The following TTLL9 variants were observed in gnomAD, a reference collection of about 807,000 sequenced individuals.
The protein encoded by TTLL9 is tubulin tyrosine ligase like 9, also known as probable tubulin polyglutamylase TTLL9.
Under a neutral mutation model 65.6 loss-of-function variants are expected in TTLL9, and 47 were observed. The ratio of observed to expected loss-of-function variants is 0.72; its 90% CI spans 0.57 to 0.91. The LOEUF (loss-of-function observed/expected upper bound fraction) is 0.91, where lower values mean the gene tolerates loss of function less well. Among genes scored for constraint, TTLL9 ranks in the 40% least tolerant of loss-of-function variants. The pLI is 0.00. For missense variants in TTLL9, 537 were observed against 568.8 expected, an observed-to-expected ratio of 0.94 and a Z score of 0.57; for synonymous variants, 179 against 204.8, an observed-to-expected ratio of 0.87 and a Z score of 1.07.
At chr20:31,894,724 C>T (rs1387000364) in intron 3 of TTLL9, among the ~76,000 whole-genome samples, 1 of 104,538 alleles carries the variant, frequency 9.6e-6, no homozygotes, top group African/African-American at 4.9e-5. Flanking sequence ...TGTATATACA[C>T]ACACACACAC....
intron 3 of TTLL9, among the ~76,000 whole-genome samples, chr20:31,896,358 G>A (rs1225128453): frequency 6.6e-6 from 1 of 152,180 alleles, no homozygotes; most frequent in African/African-American, 2.4e-5. Flanking sequence ...TAATTATAAT[G>A]TTAGCTCGAG....
intron 4 of TTLL9, among the ~76,000 whole-genome samples, chr20:31,899,041 C>T (rs746406044): frequency 1.3e-5 from 2 of 152,188 alleles, no homozygotes; most frequent in African/African-American, 4.8e-5. Context: ...TGAGACAAAC[C>T]AGCATGTGAT....
At chr20:31,897,227 A>G (rs939278887) in intron 3 of TTLL9, among the ~76,000 whole-genome samples, 4 of 152,212 alleles carry the variant, frequency 2.6e-5, no homozygotes, top group Admixed American at 2.0e-4. Context: ...TATTCAAATT[A>G]CCTATTTCAT....
intron 4 of TTLL9, among the ~76,000 whole-genome samples, chr20:31,902,329 C>T (rs1019386461): frequency 9.2e-5 from 14 of 152,124 alleles, no homozygotes; most frequent in African/African-American, 2.9e-4. Context: ...TTTCACTTAA[C>T]GTAATGTTTT....
intron 10 of TTLL9, among the ~76,000 whole-genome samples, chr20:31,933,431 T>A (rs2064053713): frequency 6.6e-6 from 1 of 151,240 alleles, no homozygotes; most frequent in Non-Finnish European, 1.5e-5. Context: ...AAAAAAAAAA[T>A]CATAATATAC....
At chr20:31,936,340 T>TATA (rs905431962) in intron 12 of TTLL9, among the ~76,000 whole-genome samples, 1 of 152,130 alleles carries the variant, frequency 6.6e-6, no homozygotes, top group East Asian at 1.9e-4. Context: ...CTCAAACACC[T>TATA]ATAATAATAA....
At chr20:31,897,222 A>C (rs2063400153) in intron 3 of TTLL9, among the ~76,000 whole-genome samples, 1 of 152,230 alleles carries the variant, frequency 6.6e-6, no homozygotes, top group African/African-American at 2.4e-5. Flanking sequence ...AGAGCTATTC[A>C]AATTACCTAT....
At position 31,870,707 on chromosome 20, in the gene TTLL9, G is replaced by T. The variant is rs2062907768; in HGVS notation, c.-248G>T. 1.3e-6 allele frequency: 1 copy of T among 759,852 alleles called. No homozygotes were observed. Among genetic ancestry groups the T allele is most frequent in the Non-Finnish European group, 1.8e-6 (1 of 544,530 alleles). The allele number at this position is 759,852 out of a possible 1,614,324, so 47.1% of individuals were successfully genotyped here. ...GCGTGGGGCCGCCACCTCCGGAGGT[G>T]GGGGCGGGGGCCTTACCCCACCCTG... On this transcript the variant is annotated 5_prime_UTR_variant, in exon 1 of 15. Coordinates refer to ENST00000535842, the MANE Select transcript of TTLL9 (RefSeq NM_001008409.5). This position sits in a 1 kb window ranked among gnomAD's most constrained non-coding sequence, Gnocchi z 6.6.
chr20:31,899,948 G>T (rs1004285187), intron 4 of TTLL9, among the ~76,000 whole-genome samples: 4 of 152,208 alleles, frequency 2.6e-5, no homozygotes, highest in African/African-American at 4.8e-5. Flanking sequence ...TTTTAGTAGA[G>T]ACGAGATTTC....
At chr20:31,922,018 C>T (rs2123564039) in intron 7 of TTLL9, among the ~76,000 whole-genome samples, 1 of 152,172 alleles carries the variant, frequency 6.6e-6, no homozygotes, top group East Asian at 1.9e-4. Flanking sequence ...CCTGTAATCC[C>T]AGCACTTTGG....
chr20:31,873,727 A>AAAGAAAGAAAAAGGAAGGAAGG (rs2062980712), intron 2 of TTLL9, among the ~76,000 whole-genome samples: 3 of 144,632 alleles, frequency 2.1e-5, no homozygotes, highest in African/African-American at 5.1e-5. Flanking sequence ...AGAAAGAAAG[A>AAAGAAAGAAAAAGGAAGGAAGG]AAGAAAGAAA....
intron 3 of TTLL9, among the ~76,000 whole-genome samples, chr20:31,889,394 G>A (rs2123424743): frequency 6.6e-6 from 1 of 151,802 alleles, no homozygotes; most frequent in South Asian, 2.1e-4. Flanking sequence ...CTGAGTAGCT[G>A]GGACTACAGG....
chr20:31,915,115 G>A (rs565665658), intron 6 of TTLL9, among the ~76,000 whole-genome samples: 8 of 152,328 alleles, frequency 5.3e-5, no homozygotes, highest in African/African-American at 1.9e-4. Context: ...CGAAATCACT[G>A]TGATCTCTTT....
At chr20:31,934,654 CTG>C in intron 11 of TTLL9, 36 bp from the exon 12 acceptor site, 3 of 1,571,822 alleles carry the variant, frequency 1.9e-6, no homozygotes, top group Non-Finnish European at 2.6e-6. Flanking sequence ...TCCTGACTAA[CTG>C]AGGCTCCTCT....
At chr20:31,910,285 A>T (rs2063627470) in intron 6 of TTLL9, among the ~76,000 whole-genome samples, 1 of 152,236 alleles carries the variant, frequency 6.6e-6, no homozygotes, top group Admixed American at 6.5e-5. Flanking sequence ...AGGCTTGCTT[A>T]TTCAAGCATT....
rs2064236703 is a variant in TTLL9 at position 31,942,847 on chromosome 20, T to A, written c.1244-98T>A. On this transcript the variant is annotated intron_variant, in intron 14 of 14. Transcript: ENST00000535842. ...CACAGGCTGTGTGTGGTTGTCTGAC[T>A]CCCGCTGTCCCCTCTTCCCAGCAGG... 3.4e-6 allele frequency: 4 copies of A among 1,182,142 alleles called. No individual in the cohort carries two copies. The South Asian group carries it at 5.2e-5, about 15-fold the overall frequency. The allele number at this position is 1,182,142 out of a possible 1,614,324, so 73.2% of individuals were successfully genotyped here.
chr20:31,896,237 C>T (rs376553867), intron 3 of TTLL9, among the ~76,000 whole-genome samples: 6 of 152,130 alleles, frequency 3.9e-5, no homozygotes, highest in African/African-American at 7.2e-5. Context: ...CTCAGCCTCC[C>T]GAAGAGCTGG....
chr20:31,902,170 A>G (rs2063488576), intron 4 of TTLL9, among the ~76,000 whole-genome samples: 1 of 152,088 alleles, frequency 6.6e-6, no homozygotes, highest in African/African-American at 2.4e-5. Context: ...GAACATTTTC[A>G]TCATCTCAGG....
In TTLL9 at chr20:31,873,157, TG is replaced by T. The variant is rs1392468087; in HGVS notation, c.69+1964del. ...CAGCTGAAAGGACTTGCAGATTGAC[TG>T]GATGTGGGGGGAAGGAAGGAATTTT... On this transcript the variant is annotated intron_variant, in intron 2 of 14. Transcript: ENST00000535842. 1.7e-5 allele frequency: 7 copies of T among 403,974 alleles called. No individual in the cohort carries two copies. In the East Asian group the frequency reaches 5.1e-4, roughly 29 times the overall value. The allele number at this position is 403,974 out of a possible 1,614,324, so 25.0% of individuals were successfully genotyped here.
Sources: allele counts gnomAD v4.1 joint callset (sites outside exome capture counted in the v4.1 genomes callset), GRCh38; gene constraint gnomAD v4.1.1; non-coding constraint Gnocchi (gnomAD v3.1); transcripts MANE v1.5; gene names NCBI Gene and HGNC (gene_info 2026-07-23, HGNC 2026-07-21).